Variants in ZDHHC5 observed in about 807,000 individuals in gnomAD.
The protein encoded by ZDHHC5 is zDHHC palmitoyltransferase 5, also known as palmitoyltransferase ZDHHC5.
In ZDHHC5, 22 loss-of-function variants were observed where a neutral mutation model predicts 70.0. That is an observed-to-expected ratio of 0.31 (90% confidence interval 0.22 to 0.45). The LOEUF is 0.45. Among genes scored for constraint, ZDHHC5 ranks in the 20% least tolerant of loss-of-function variants. The pLI, the probability that ZDHHC5 is intolerant of heterozygous loss-of-function variation, is 1.00. For missense variants in ZDHHC5, 746 were observed against 926.9 expected, an observed-to-expected ratio of 0.80 and a Z score of 2.53; for synonymous variants, 313 against 347.8, an observed-to-expected ratio of 0.90 and a Z score of 1.11.
chr11:57,692,200 T>C (rs1037449553), intron 6 of ZDHHC5, among the ~76,000 whole-genome samples: 2 of 152,118 alleles, frequency 1.3e-5, no homozygotes, highest in African/African-American at 2.4e-5. Context: ...TATATTTTTA[T>C]AGTAGAGATG....
intron 10 of ZDHHC5, among the ~76,000 whole-genome samples, chr11:57,698,027 C>T (rs901460059): frequency 1.3e-5 from 2 of 151,556 alleles, no homozygotes; most frequent in African/African-American, 2.4e-5. Context: ...CCCAGCTACT[C>T]GGGAAGCTGA....
chr11:57,673,988 A>G (rs1040100092), intron 2 of ZDHHC5, among the ~76,000 whole-genome samples: 2 of 152,206 alleles, frequency 1.3e-5, no homozygotes, highest in Non-Finnish European at 2.9e-5. Context: ...AGATACACCA[A>G]TGAGAGAGTT....
chr11:57,674,385 T>G (rs2135378661), intron 2 of ZDHHC5, among the ~76,000 whole-genome samples: 1 of 152,194 alleles, frequency 6.6e-6, no homozygotes, highest in Middle Eastern at 3.4e-3. Context: ...GTTTATAAAT[T>G]AACATGTACC....
intron 1 of ZDHHC5, among the ~76,000 whole-genome samples, chr11:57,671,123 C>G (rs1329153256): frequency 6.6e-6 from 1 of 152,102 alleles, no homozygotes; most frequent in Non-Finnish European, 1.5e-5. Flanking sequence ...CATGTGACCT[C>G]TTGAGTTCTG....
In ZDHHC5 at chr11:57,689,834, G is replaced by A. The variant is rs545903070; in HGVS notation, c.385-197G>A. Among the ~76,000 whole-genome samples the A allele has an allele frequency of 1.4e-4, 21 of 152,198 alleles. 1 individual carries two copies. In the South Asian group the frequency reaches 3.7e-3, roughly 27 times the overall value. On this transcript the variant is annotated intron_variant, in intron 4 of 11. Coordinates refer to ENST00000287169, the MANE Select transcript of ZDHHC5 (RefSeq NM_015457.3). Reference sequence around the variant, plus strand: ...TGGGACTACAAGTGTGCACCACTACGCCTGGTTGGCCTTGGCCTTTGACCA... The same window carrying A: ...TGGGACTACAAGTGTGCACCACTACACCTGGTTGGCCTTGGCCTTTGACCA...
At chr11:57,693,006 T>C (rs1946305125) in intron 7 of ZDHHC5, among the ~76,000 whole-genome samples, 2 of 152,116 alleles carry the variant, frequency 1.3e-5, no homozygotes, top group Non-Finnish European at 2.9e-5. Context: ...CTGTTCCACC[T>C]CAGATCATGA....
intron 2 of ZDHHC5, among the ~76,000 whole-genome samples, chr11:57,678,843 G>A (rs549572267): frequency 1.3e-3 from 192 of 152,228 alleles, no homozygotes; most frequent in African/African-American, 4.3e-3. Context: ...GTGACAGAGC[G>A]AGACCCTGTC....
intron 1 of ZDHHC5, among the ~76,000 whole-genome samples, chr11:57,669,159 A>G (rs1352964041): frequency 6.6e-6 from 1 of 152,216 alleles, no homozygotes; most frequent in Non-Finnish European, 1.5e-5. Context: ...ACCTCGGTAT[A>G]TAATGATAAC....
chr11:57,676,982 C>T (rs1412708527), intron 2 of ZDHHC5, among the ~76,000 whole-genome samples: 2 of 121,600 alleles, frequency 1.6e-5, no homozygotes, highest in Non-Finnish European at 3.2e-5. Context: ...AGTGCAGTGG[C>T]GCGATCTCGG....
chr11:57,673,136 C>T lies in ZDHHC5; in HGVS notation c.46C>T (p.Pro16Ser). ...GKRFKPSKYVPVSAAAIFLVG... is the reference protein window; with the variant it reads ...GKRFKPSKYVSVSAAAIFLVG... Reference sequence around the variant, plus strand: ...GAGATTCAAACCCAGCAAGTATGTCCCGGTCTCTGCAGCCGCCATCTTCCT... The same window carrying T: ...GAGATTCAAACCCAGCAAGTATGTCTCGGTCTCTGCAGCCGCCATCTTCCT... Residue 16 changes from proline (P) to serine (S), a missense_variant, in exon 2 of 12, where the codon CCG (proline) becomes TCG (serine). Coordinates refer to ENST00000287169, the MANE Select transcript of ZDHHC5 (RefSeq NM_015457.3). 6.2e-7 allele frequency: 1 copy of T among 1,614,026 alleles called. No individual in the cohort carries two copies. The highest frequency in any genetic ancestry group is 8.5e-7 in the Non-Finnish European group (1 of 1,179,938).
chr11:57,686,369 G>A (rs1946208058), intron 3 of ZDHHC5, among the ~76,000 whole-genome samples: 1 of 151,896 alleles, frequency 6.6e-6, no homozygotes. Flanking sequence ...AGGCTGGAGT[G>A]CAGTGGCTCC....
rs767273060 is a variant in ZDHHC5 at position 57,699,047 on chromosome 11, G to A, written c.1611G>A (p.Ser537=). Residue 537 remains serine (S), a synonymous_variant, in exon 11 of 12, where the codon TCG becomes TCA. Coordinates refer to ENST00000287169, the MANE Select transcript of ZDHHC5 (RefSeq NM_015457.3). The part of the protein sequence containing the change: ...EPSPVRYDNL[S]RHIVASLQER... ...CACCAGTCCGTTACGACAATCTGTC[G>A]CGCCACATTGTGGCCTCTCTCCAGG... 68 of 1,612,172 alleles carry A rather than the reference G, an allele frequency of 4.2e-5. No homozygotes were observed. In the South Asian group the frequency reaches 5.7e-4, roughly 14 times the overall value.
At chr11:57,681,403 T>G (rs1188296252) in intron 2 of ZDHHC5, 1 of 152,230 alleles carries the variant, frequency 6.6e-6, no homozygotes, top group Non-Finnish European at 1.5e-5. Context: ...TTCTGGAGAT[T>G]AAGTTCTCAG....
Position 57,672,430 on chromosome 11 carries a change from G to C in ZDHHC5, c.-661G>C, listed in dbSNP as rs957895854. ...TTAAACCACCATTGCCAGACTACAA[G>C]CCCTGGTGAAGTCAGGGTGTGGGAG... On this transcript the variant is annotated 5_prime_UTR_variant, in exon 2 of 12. Coordinates refer to ENST00000287169, the MANE Select transcript of ZDHHC5 (RefSeq NM_015457.3). 2.8e-5 allele frequency: 11 copies of C among 388,156 alleles called. No individual in the cohort carries two copies. The highest frequency in any genetic ancestry group is 4.5e-5 in the Non-Finnish European group (10 of 220,098). The allele number at this position is 388,156 out of a possible 1,614,324, so 24.0% of individuals were successfully genotyped here.
At chr11:57,687,771 TTTTTTTTTTTTAAGATG>T (rs1254264126) in intron 3 of ZDHHC5, among the ~76,000 whole-genome samples, 2 of 119,494 alleles carry the variant, frequency 1.7e-5, no homozygotes, top group Non-Finnish European at 3.4e-5. Flanking sequence ...TTTTTTTTTT[TTTTTTTTTTTTAAGATG>T]AAGATGAAGT....
At chr11:57,681,186 A>T (rs1289665391) in intron 2 of ZDHHC5, among the ~76,000 whole-genome samples, 2 of 152,146 alleles carry the variant, frequency 1.3e-5, no homozygotes, top group Non-Finnish European at 2.9e-5. Flanking sequence ...AGTTCCTCCA[A>T]ACTGCTCTGA....
At chr11:57,682,024 G>T (rs1946155544) in intron 2 of ZDHHC5, among the ~76,000 whole-genome samples, 1 of 152,196 alleles carries the variant, frequency 6.6e-6, no homozygotes, top group Admixed American at 6.5e-5. Context: ...GGACATAGCT[G>T]GGATCCAGAA....
chr11:57,684,890 T>C (rs1331160508), intron 3 of ZDHHC5, among the ~76,000 whole-genome samples: 1 of 152,046 alleles, frequency 6.6e-6, no homozygotes, highest in Non-Finnish European at 1.5e-5. Flanking sequence ...GCTCACATCT[T>C]AATCCCAGCA....
At chr11:57,668,316 G>GCCGGGTCT (rs1435185363) in intron 1 of ZDHHC5, 129 bp downstream of exon 1, 71 of 238,174 alleles carry the variant, frequency 3.0e-4, no homozygotes, top group Non-Finnish European at 5.6e-4. Context: ...TCTCCTCCGG[G>GCCGGGTCT]CCGGGTCTTC....
Sources: allele counts gnomAD v4.1 joint callset (sites outside exome capture counted in the v4.1 genomes callset), GRCh38; gene constraint gnomAD v4.1.1; transcripts MANE v1.5; gene names NCBI Gene and HGNC (gene_info 2026-07-23, HGNC 2026-07-21).